Variants in CDC42EP3 observed in about 807,000 individuals in gnomAD.
The protein encoded by CDC42EP3 is CDC42 effector protein (Rho GTPase binding) 3.
A neutral mutation model predicts 15.5 loss-of-function variants in CDC42EP3; 4 were observed. That is an observed-to-expected ratio of 0.26 (90% CI 0.13 to 0.59). The LOEUF (loss-of-function observed/expected upper bound fraction) is 0.59. CDC42EP3 is among the 20% of genes least tolerant of loss of function. CDC42EP3 has a pLI of 0.89. For synonymous variants in CDC42EP3, 145 were observed against 130.3 expected, an observed-to-expected ratio of 1.11 and a Z score of -0.77; for missense variants, 309 against 311.2, an observed-to-expected ratio of 0.99 and a Z score of 0.05.
chr2:37,659,086 C>T (rs924404500), intron 1 of CDC42EP3, among the ~76,000 whole-genome samples: 2 of 152,256 alleles, frequency 1.3e-5, no homozygotes, highest in African/African-American at 2.4e-5. Context: ...CACCTCAAAC[C>T]TAGCAACTAT....
upstream of CDC42EP3, chr2:37,671,770 C>G (rs1339134826): frequency 6.7e-6 from 1 of 150,268 alleles, no homozygotes; most frequent in Non-Finnish European, 1.5e-5. Context: ...CCCTCCCAGC[C>G]GCGGTACCTG....
At chr2:37,670,064 T>G (rs1666358563) in intron 1 of CDC42EP3, among the ~76,000 whole-genome samples, 1 of 152,122 alleles carries the variant, frequency 6.6e-6, no homozygotes, top group Admixed American at 6.5e-5. Context: ...GAAGGTACAT[T>G]TCCTGGTTTT....
chr2:37,659,125 A>C (rs1282115780), intron 1 of CDC42EP3, among the ~76,000 whole-genome samples: 1 of 152,160 alleles, frequency 6.6e-6, no homozygotes, highest in Non-Finnish European at 1.5e-5. Flanking sequence ...CTACTTATTT[A>C]ACTCTTCCCC....
At chr2:37,652,734 A>C (rs1665729883) in intron 1 of CDC42EP3, among the ~76,000 whole-genome samples, 1 of 136,694 alleles carries the variant, frequency 7.3e-6, no homozygotes, top group African/African-American at 3.1e-5. Flanking sequence ...CCAGCTAATT[A>C]AAAACAATTT....
In CDC42EP3 at chr2:37,644,497, T is replaced by G. The variant is rs558993375; in HGVS notation, c.*1326A>C. Reference sequence around the variant, plus strand: ...TGCCTTTATCTCGTCTATATGGCACTTTCTGCGTGAAAAGACATTTGCCTT... The same window carrying G: ...TGCCTTTATCTCGTCTATATGGCACGTTCTGCGTGAAAAGACATTTGCCTT... On this transcript the variant is annotated 3_prime_UTR_variant, in exon 2 of 2. Coordinates refer to ENST00000295324, the MANE Select transcript of CDC42EP3 (RefSeq NM_006449.5). 2 of 152,244 alleles carry G rather than the reference T, an allele frequency of 1.3e-5. No individual in the cohort carries two copies. The highest frequency in any genetic ancestry group is 4.1e-4 in the South Asian group (2 of 4,826). 9.4% of individuals were successfully genotyped at this position (152,244 alleles called of 1,614,324 possible).
At chr2:37,652,741 ATT>A (rs10605373) in intron 1 of CDC42EP3, among the ~76,000 whole-genome samples, 41,813 of 147,478 alleles carry the variant, frequency 0.28, 6,366 homozygotes, top group East Asian at 0.55. Context: ...ATTAAAAACA[ATT>A]TTTTTTTTTT....
intron 1 of CDC42EP3, among the ~76,000 whole-genome samples, chr2:37,663,909 T>C (rs1417402473): frequency 2.0e-5 from 3 of 152,150 alleles, no homozygotes; most frequent in East Asian, 3.9e-4. Flanking sequence ...GCGCGGTGGC[T>C]CATGCCTGTA....
At chr2:37,655,150 T>C (rs1191070402) in intron 1 of CDC42EP3, among the ~76,000 whole-genome samples, 1 of 152,214 alleles carries the variant, frequency 6.6e-6, no homozygotes, top group Admixed American at 6.5e-5. Context: ...ACTATGAAAC[T>C]CTATTAGCTG....
rs7560028 is a variant in CDC42EP3 at position 37,646,486 on chromosome 2, C to T, written c.102G>A (p.Pro34=). The change falls in exon 2 of 2, where the codon CCG becomes CCA. Residue 34 remains proline (P), a synonymous_variant. Transcript: ENST00000295324. ...DILSPDMISP[P]LGDFRHTIHI... The stretch of plus-strand genomic sequence containing the variant: ...GGATGGTGTGGCGAAAGTCTCCAAG[C>T]GGGGGACTGATCATATCAGGAGACA... 152 of 1,613,780 alleles carry T rather than the reference C, an allele frequency of 9.4e-5. No individual in the cohort carries two copies. Among genetic ancestry groups the T allele is most frequent in the East Asian group, 1.3e-4 (6 of 44,882 alleles).
At position 37,645,692 on chromosome 2, in the gene CDC42EP3, A is replaced by C; in HGVS notation, c.*131T>G. ...CAAACAGGGCATAACAGGTAAAAAA[A>C]TACTTTGTAAGAATATTATTTTAGA... is the stretch of plus-strand genomic sequence containing the variant. On this transcript the variant is annotated 3_prime_UTR_variant, in exon 2 of 2. Transcript: ENST00000295324. 1 of 765,704 alleles carries C rather than the reference A, an allele frequency of 1.3e-6. No homozygotes were observed. Among genetic ancestry groups the C allele is most frequent in the East Asian group, 2.7e-5 (1 of 37,494 alleles). 47.4% of individuals were successfully genotyped at this position (765,704 alleles called of 1,614,324 possible).
chr2:37,647,974 C>T lies in CDC42EP3; in HGVS notation c.-235-1152G>A, dbSNP rs147913635. Reference sequence around the variant, plus strand: ...CTCAGGGAGATGCTGGAACTCAGCCCTGCCCAGATTCCTGACCCACAGAAC... The same window carrying T: ...CTCAGGGAGATGCTGGAACTCAGCCTTGCCCAGATTCCTGACCCACAGAAC... On this transcript the variant is annotated intron_variant, in intron 1 of 1. Coordinates refer to ENST00000295324, the MANE Select transcript of CDC42EP3 (RefSeq NM_006449.5). Among the ~76,000 whole-genome samples the T allele has an allele frequency of 3.6e-3, 546 of 152,278 alleles. 2 individuals carry two copies. The highest frequency in any genetic ancestry group is 6.0e-3 in the Non-Finnish European group (408 of 68,022).
upstream of CDC42EP3, chr2:37,671,920 G>T (rs750482304): frequency 3.3e-5 from 5 of 152,134 alleles, no homozygotes; most frequent in African/African-American, 1.2e-4. Context: ...AGAAGATGCC[G>T]CTTTCGACTC....
At chr2:37,671,222 T>TC (rs1666407911) in intron 1 of CDC42EP3, among the ~76,000 whole-genome samples, 1 of 152,208 alleles carries the variant, frequency 6.6e-6, no homozygotes, top group Non-Finnish European at 1.5e-5. Context: ...TGAGTCCTGG[T>TC]CGTGCCGCCG....
At chr2:37,659,579 T>C (rs946536649) in intron 1 of CDC42EP3, among the ~76,000 whole-genome samples, 18 of 152,244 alleles carry the variant, frequency 1.2e-4, no homozygotes, top group African/African-American at 4.3e-4. Flanking sequence ...AATAGTGTCT[T>C]AGGTAAGACT....
intron 1 of CDC42EP3, among the ~76,000 whole-genome samples, chr2:37,660,034 G>A (rs1183038266): frequency 1.3e-5 from 2 of 152,156 alleles, no homozygotes; most frequent in African/African-American, 4.8e-5. Context: ...GTAAAATGGA[G>A]ATAATCATCC....
chr2:37,646,525 T>C lies in CDC42EP3; in HGVS notation c.63A>G (p.Lys21=), dbSNP rs747065138. ...AANNKKGKKF[K]LRDILSPDMI... Reference sequence around the variant, plus strand: ...TATCAGGAGACAGAATGTCCCTCAGTTTAAATTTCTTTCCTTTCTTGTTAT... The same window carrying C: ...TATCAGGAGACAGAATGTCCCTCAGCTTAAATTTCTTTCCTTTCTTGTTAT... Residue 21 remains lysine (K), a synonymous_variant, in exon 2 of 2, where the codon AAA becomes AAG. Coordinates refer to ENST00000295324, the MANE Select transcript of CDC42EP3 (RefSeq NM_006449.5). 112 of 1,580,796 alleles carry C rather than the reference T, an allele frequency of 7.1e-5. 1 individual carries two copies. The Middle Eastern group carries it at 8.5e-4, about 12-fold the overall frequency.
At chr2:37,672,817 C>A (rs1666476886), upstream of CDC42EP3, among the ~76,000 whole-genome samples, 1 of 152,174 alleles carries the variant, frequency 6.6e-6, no homozygotes, top group Non-Finnish European at 1.5e-5. Flanking sequence ...ACGCGGAGAA[C>A]CTCCCGGATA....
chr2:37,671,416 C>G lies in CDC42EP3; in HGVS notation c.-236+10G>C, dbSNP rs1049454009. The stretch of plus-strand genomic sequence containing the variant: ...TAGAGAGGAAGGAGCCCTGGGCTGC[C>G]CCGACTCACCGGCCGCCGCTGAGGA... On this transcript the variant is annotated intron_variant, in intron 1 of 1. Transcript: ENST00000295324. 6.5e-6 allele frequency: 1 copy of G among 152,706 alleles called. No homozygotes were observed. The highest frequency in any genetic ancestry group is 1.5e-5 in the Non-Finnish European group (1 of 68,452). 9.5% of individuals were successfully genotyped at this position (152,706 alleles called of 1,614,324 possible).
chr2:37,645,864 G>A lies in CDC42EP3; in HGVS notation c.724C>T (p.Leu242Phe). 6.4e-7 allele frequency: 1 copy of A among 1,569,170 alleles called. No homozygotes were observed. The highest frequency in any genetic ancestry group is 1.4e-5 in the African/African-American group (1 of 72,902). The part of the protein sequence containing the change: ...LSLQLDLGPS[L>F]LDEVLNVMDK... Reference sequence around the variant, plus strand: ...ATTACATTCAGCACCTCATCCAAAAGTGAGGGCCCAAGATCAAGCTGCAGG... The same window carrying A: ...ATTACATTCAGCACCTCATCCAAAAATGAGGGCCCAAGATCAAGCTGCAGG... The change falls in exon 2 of 2, where the codon CTT becomes TTT. Residue 242 changes from leucine to phenylalanine, a missense_variant. Leu to Phe is a conservative substitution (Grantham distance 22, BLOSUM62 0). Coordinates refer to ENST00000295324, the MANE Select transcript of CDC42EP3 (RefSeq NM_006449.5).
Sources: gnomAD v4.1 joint callset for allele counts (sites outside exome capture counted in the v4.1 genomes callset) on GRCh38, gnomAD v4.1.1 for gene constraint, MANE v1.5 for transcripts, NCBI Gene and HGNC (gene_info 2026-07-23, HGNC 2026-07-21) for gene names.